ANGPTL5: variants seen among roughly 807,000 people sequenced by gnomAD.
The protein encoded by ANGPTL5 is angiopoietin-related protein 5.
Under a neutral mutation model 39.4 loss-of-function variants are expected in ANGPTL5, and 34 were observed. The observed-to-expected ratio is 0.86, with a 90% confidence interval of 0.66 to 1.15. The LOEUF is 1.15. Ranked by LOEUF, ANGPTL5 falls within the 50% of genes most tolerant of loss-of-function variation. ANGPTL5 has a pLI of 0.00. For synonymous variants in ANGPTL5, 146 were observed against 152.1 expected (o/e 0.96, Z 0.29); for missense variants, 467 against 457.5 (o/e 1.02, Z -0.19).
intron 5 of ANGPTL5, among the ~76,000 whole-genome samples, chr11:101,903,098 T>C (rs1014108185): frequency 6.6e-6 from 1 of 152,112 alleles, no homozygotes; most frequent in Non-Finnish European, 1.5e-5. Flanking sequence ...TCTACATGAA[T>C]AGGGAGGAGA....
At chr11:101,903,431 C>A (rs1284824876) in intron 5 of ANGPTL5, among the ~76,000 whole-genome samples, 2 of 152,116 alleles carry the variant, frequency 1.3e-5, no homozygotes, top group Admixed American at 6.5e-5. Flanking sequence ...TAAATTCAAC[C>A]CTTAGAGCGT....
At chr11:101,912,022 G>T (rs545639007) in intron 1 of ANGPTL5, among the ~76,000 whole-genome samples, 1 of 152,130 alleles carries the variant, frequency 6.6e-6, no homozygotes, top group Non-Finnish European at 1.5e-5. Context: ...ACTGACATTG[G>T]TCTCTATCCC....
chr11:101,893,249 A>G (rs1939734632), intron 8 of ANGPTL5, among the ~76,000 whole-genome samples: 1 of 152,204 alleles, frequency 6.6e-6, no homozygotes, highest in Admixed American at 6.5e-5. Context: ...TCTTTTCCCT[A>G]AGAATCCAGA....
intron 3 of ANGPTL5, 144 bp downstream of exon 3, chr11:101,906,959 G>T: frequency 1.6e-6 from 1 of 615,680 alleles, no homozygotes; most frequent in Non-Finnish European, 2.7e-6. Context: ...CACCTATTAT[G>T]GGCCAAACAA....
chr11:101,891,790 A>G (rs538610918), intron 8 of ANGPTL5, among the ~76,000 whole-genome samples, 192 bp from the exon 9 acceptor site: 1 of 152,324 alleles, frequency 6.6e-6, no homozygotes, highest in South Asian at 2.1e-4. Flanking sequence ...TCCCCAACAC[A>G]ACAGACATCT....
At chr11:101,893,396 C>A (rs1939737193) in intron 8 of ANGPTL5, among the ~76,000 whole-genome samples, 2 of 152,206 alleles carry the variant, frequency 1.3e-5, no homozygotes, top group Admixed American at 1.3e-4. Context: ...TTACCAAACA[C>A]CTGATCACAT....
intron 8 of ANGPTL5, among the ~76,000 whole-genome samples, chr11:101,894,005 T>C (rs1192587828): frequency 6.6e-6 from 1 of 152,220 alleles, no homozygotes; most frequent in Non-Finnish European, 1.5e-5. Context: ...TACAGGAATA[T>C]ATACTTCTAA....
intron 1 of ANGPTL5, among the ~76,000 whole-genome samples, chr11:101,910,410 CA>C (rs200542892): frequency 0.015 from 1,851 of 120,918 alleles, 43 homozygotes; most frequent in African/African-American, 0.046. Flanking sequence ...AACTCCGTCT[CA>C]AAAAAAAAAA....
In ANGPTL5 at chr11:101,891,320, A is replaced by G; in HGVS notation, c.1126T>C (p.Ser376Pro). Residue 376 changes from serine (S) to proline (P), a missense_variant, in exon 9 of 9, where the codon TCA (serine) becomes CCA (proline). Ser to Pro is a moderately conservative substitution (Grantham distance 74). Transcript: ENST00000334289. ...NNSPVKIKSVSMKIRRMYNPY... is the reference protein window; with the variant it reads ...NNSPVKIKSVPMKIRRMYNPY... The stretch of plus-strand genomic sequence containing the variant: ...TTGTACATTCTTCTAATTTTCATTG[A>G]AACAGATTTAATCTTGACAGGTGAG... The G allele has an allele frequency of 1.9e-6, 3 of 1,613,768 alleles. No individual in the cohort carries two copies. The highest frequency in any genetic ancestry group is 2.5e-6 in the Non-Finnish European group (3 of 1,179,658).
At chr11:101,915,217 A>C in intron 1 of ANGPTL5, 1 of 1,597,388 alleles carries the variant, frequency 6.3e-7, no homozygotes, top group Non-Finnish European at 8.5e-7. Context: ...GAGCAGGAGG[A>C]GGAGGAAGCC....
At position 101,904,792 on chromosome 11, in the gene ANGPTL5, G is replaced by A. The variant is rs113318417; in HGVS notation, c.439+22C>T. On this transcript the variant is annotated intron_variant, in intron 5 of 8. Transcript: ENST00000334289. Reference sequence around the variant, plus strand: ...AGCAATAAAAGACAAACATGAAAAGGCTGAAATACCAAAGTTCTCACCATG... The same window carrying A: ...AGCAATAAAAGACAAACATGAAAAGACTGAAATACCAAAGTTCTCACCATG... 1.1e-5 allele frequency: 17 copies of A among 1,591,482 alleles called. No homozygotes were observed. In the African/African-American group the frequency reaches 1.5e-4, roughly 14 times the overall value.
Position 101,908,008 on chromosome 11 carries a change from A to C in ANGPTL5, c.-92-7T>G. 1 of 874,898 alleles carries C rather than the reference A, an allele frequency of 1.1e-6. No individual in the cohort carries two copies. Among genetic ancestry groups the C allele is most frequent in the Non-Finnish European group, 1.8e-6 (1 of 541,288 alleles). The allele number at this position is 874,898 out of a possible 1,614,324, so 54.2% of individuals were successfully genotyped here. On this transcript the variant is annotated splice_polypyrimidine_tract_variant and splice_region_variant and intron_variant, in intron 1 of 8. Coordinates refer to ENST00000334289, the MANE Select transcript of ANGPTL5 (RefSeq NM_178127.5). ...AGTCTTCAGTTAAAAACCTCTGGAA[A>C]GCGTACAACAAAAACATAAGCCAAA... is the stretch of plus-strand genomic sequence containing the variant.
chr11:101,912,884 A>G (rs1940114371), intron 1 of ANGPTL5, among the ~76,000 whole-genome samples: 1 of 152,246 alleles, frequency 6.6e-6, no homozygotes, highest in Non-Finnish European at 1.5e-5. Flanking sequence ...CTGACGGAAC[A>G]GACACTTGGT....
chr11:101,895,079 CTTTGT>C lies in ANGPTL5; in HGVS notation c.662-20_662-16del, dbSNP rs755422438. The C allele has an allele frequency of 2.6e-5, 39 of 1,521,680 alleles. No individual in the cohort carries two copies. The highest frequency in any genetic ancestry group is 3.2e-5 in the Non-Finnish European group (36 of 1,110,726). 94.3% of individuals were successfully genotyped at this position (1,521,680 alleles called of 1,614,324 possible). A position where few individuals can be genotyped will look rare whatever the true frequency, so the allele number is the denominator to read the frequency against. On this transcript the variant is annotated splice_polypyrimidine_tract_variant and intron_variant, in intron 7 of 8. Transcript: ENST00000334289. ...CCAAAATTCTCCTGTAAAAAAAATG[CTTTGT>C]TTTAATATATTTTAATACAAATTAG...
intron 7 of ANGPTL5, among the ~76,000 whole-genome samples, chr11:101,896,155 T>C (rs1939788270): frequency 7.5e-6 from 1 of 132,980 alleles, no homozygotes. Context: ...TCTGTAATCC[T>C]ATATTTATTT....
chr11:101,905,516 C>A (rs1414499766), intron 4 of ANGPTL5, among the ~76,000 whole-genome samples: 2 of 152,174 alleles, frequency 1.3e-5, no homozygotes. Flanking sequence ...ATTCTAGCAA[C>A]CACATTTTTG....
At chr11:101,894,479 G>T (rs191155873) in intron 8 of ANGPTL5, among the ~76,000 whole-genome samples, 2 of 152,182 alleles carry the variant, frequency 1.3e-5, no homozygotes, top group African/African-American at 2.4e-5. Flanking sequence ...ATCTGGGAAC[G>T]TTGGGCAAGT....
chr11:101,903,388 T>C (rs907434314), intron 5 of ANGPTL5, among the ~76,000 whole-genome samples: 3 of 152,164 alleles, frequency 2.0e-5, no homozygotes, highest in Admixed American at 6.5e-5. Context: ...TTCTGGAAGA[T>C]ACTCTACTCT....
chr11:101,909,909 C>G (rs1017947310), intron 1 of ANGPTL5, among the ~76,000 whole-genome samples: 2 of 152,100 alleles, frequency 1.3e-5, no homozygotes, highest in Non-Finnish European at 2.9e-5. Flanking sequence ...TCATAGGCAG[C>G]CAACTAATCA....
Sources: allele counts gnomAD v4.1 joint callset (sites outside exome capture counted in the v4.1 genomes callset), GRCh38; gene constraint gnomAD v4.1.1; transcripts MANE v1.5; gene names NCBI Gene and HGNC (gene_info 2026-07-23, HGNC 2026-07-21).